LARP1: variants seen among roughly 807,000 people sequenced by gnomAD.
LARP1 encodes la-related protein 1.
In LARP1, 36 loss-of-function variants were observed where a neutral mutation model predicts 122.7. That is an observed-to-expected ratio of 0.29 (90% CI 0.22 to 0.39). LARP1 has a LOEUF of 0.39. Among genes scored for constraint, LARP1 ranks in the 10% least tolerant of loss-of-function variants. The pLI, the probability that LARP1 is intolerant of heterozygous loss-of-function variation, is 1.00. For missense variants in LARP1, 1,040 were observed against 1,403.6 expected (o/e 0.74, Z 4.14); for synonymous variants, 539 against 528.7 (o/e 1.02, Z -0.27).
In LARP1 at chr5:154,815,913, A is replaced by T. The variant is rs914612877; in HGVS notation, c.*1817A>T. 2.0e-5 allele frequency: 3 copies of T among 152,302 alleles called. No homozygotes were observed. The highest frequency in any genetic ancestry group is 7.2e-5 in the African/African-American group (3 of 41,456). 9.4% of individuals were successfully genotyped at this position (152,302 alleles called of 1,614,324 possible). A position where few individuals can be genotyped will look rare whatever the true frequency, so the allele number is the denominator to read the frequency against. Reference sequence around the variant, plus strand: ...CGTTCACTCTCAGTGGGATCTGGGCAACATGGAGTTCATTGTCCTGTTGCT... The same window carrying T: ...CGTTCACTCTCAGTGGGATCTGGGCTACATGGAGTTCATTGTCCTGTTGCT... On this transcript the variant is annotated 3_prime_UTR_variant, in exon 19 of 19. Coordinates refer to ENST00000518297, the MANE Select transcript of LARP1 (RefSeq NM_033551.3).
chr5:154,792,866 G>A (rs2113779120), intron 4 of LARP1, 70 bp downstream of exon 4: 2 of 1,506,524 alleles, frequency 1.3e-6, no homozygotes, highest in Middle Eastern at 2.3e-4. Flanking sequence ...GACTCCAGGG[G>A]ACTGCTGGAG....
At chr5:154,741,703 A>G (rs1232633480) in intron 1 of LARP1, among the ~76,000 whole-genome samples, 1 of 152,132 alleles carries the variant, frequency 6.6e-6, no homozygotes, top group Admixed American at 6.5e-5. Flanking sequence ...AACGGGGGGA[A>G]AATCTGGAGG....
chr5:154,790,075 T>G (rs1757220255), intron 1 of LARP1, among the ~76,000 whole-genome samples: 1 of 152,194 alleles, frequency 6.6e-6, no homozygotes, highest in African/African-American at 2.4e-5. Flanking sequence ...CTGGACTTCT[T>G]GGGTTTTGGC....
chr5:154,689,451 AAAAAAAT>A (rs1193357126), intron 1 of LARP1, among the ~76,000 whole-genome samples: 272 of 151,882 alleles, frequency 1.8e-3, no homozygotes, highest in Non-Finnish European at 2.5e-3. Context: ...ACTCTGTCTC[AAAAAAAT>A]AAAAAATAAA....
At chr5:154,764,898 C>A (rs1754796034) in intron 1 of LARP1, among the ~76,000 whole-genome samples, 1 of 144,408 alleles carries the variant, frequency 6.9e-6, no homozygotes, top group Admixed American at 6.9e-5. Flanking sequence ...GAGCAAGACT[C>A]CATCACAAAA....
intron 1 of LARP1, among the ~76,000 whole-genome samples, chr5:154,745,065 T>C (rs1753118361): frequency 6.6e-6 from 1 of 151,984 alleles, no homozygotes; most frequent in Non-Finnish European, 1.5e-5. Flanking sequence ...TAGCTGGGAC[T>C]ACAGGTGGCA....
In LARP1 at chr5:154,813,921, A is replaced by C. The variant is rs201041004; in HGVS notation, c.3116A>C (p.His1039Pro). The C allele has an allele frequency of 1.2e-6, 2 of 1,613,884 alleles. No individual in the cohort carries two copies. Among genetic ancestry groups the C allele is most frequent in the Non-Finnish European group, 1.7e-6 (2 of 1,179,974 alleles). ...PMGEEGNHKR[H>P]SVVAGGGGGE... is the part of the protein sequence containing the mutation. ...GGTGAGGAGGGCAACCACAAGCGAC[A>C]CTCAGTGGTAGCAGGAGGTGGCGGC... Residue 1039 changes from histidine (H) to proline (P), a missense_variant, in exon 19 of 19, where the codon CAC (histidine) becomes CCC (proline). Transcript: ENST00000518297.
chr5:154,711,706 A>G (rs1053249982), upstream of LARP1, among the ~76,000 whole-genome samples: 1 of 152,214 alleles, frequency 6.6e-6, no homozygotes, highest in Non-Finnish European at 1.5e-5. Flanking sequence ...ATAAATAAGG[A>G]ATAGATAAAA....
chr5:154,783,769 A>G (rs189173456), intron 1 of LARP1, among the ~76,000 whole-genome samples: 47 of 152,266 alleles, frequency 3.1e-4, no homozygotes, highest in Admixed American at 1.4e-3. Context: ...TGCTCACTAC[A>G]TATTATTTAC....
chr5:154,717,720 G>A (rs1755595735), intron 1 of LARP1, among the ~76,000 whole-genome samples: 1 of 152,046 alleles, frequency 6.6e-6, no homozygotes, highest in Non-Finnish European at 1.5e-5. Flanking sequence ...TGACTTCCAC[G>A]TGCCTCCACT....
At chr5:154,811,708 T>A in intron 18 of LARP1, 68 bp downstream of exon 18, 1 of 1,590,740 alleles carries the variant, frequency 6.3e-7, no homozygotes, top group Non-Finnish European at 8.6e-7. Context: ...TCAGGATACT[T>A]GGATTCTGGT....
At chr5:154,774,400 CT>C (rs1306789250) in intron 1 of LARP1, among the ~76,000 whole-genome samples, 1 of 152,206 alleles carries the variant, frequency 6.6e-6, no homozygotes, top group Non-Finnish European at 1.5e-5. Context: ...GGAGGGTCTG[CT>C]CCAGGGAGTG....
intron 1 of LARP1, among the ~76,000 whole-genome samples, chr5:154,761,142 A>G (rs144464417): frequency 9.2e-5 from 14 of 152,326 alleles, no homozygotes; most frequent in Non-Finnish European, 1.8e-4. Flanking sequence ...CAATTAGGAC[A>G]CCCTTTGAAG....
chr5:154,725,883 C>T (rs555806191), intron 1 of LARP1, among the ~76,000 whole-genome samples: 1 of 152,210 alleles, frequency 6.6e-6, no homozygotes, highest in African/African-American at 2.4e-5. Context: ...CTCTGTCACC[C>T]AGGCTGGAGT....
chr5:154,761,241 C>T (rs1453897130), intron 1 of LARP1, among the ~76,000 whole-genome samples: 5 of 152,178 alleles, frequency 3.3e-5, no homozygotes, highest in African/African-American at 4.8e-5. Context: ...CATACTAACC[C>T]GGAAGTGAGT....
At chr5:154,742,805 C>T (rs1257095685) in intron 1 of LARP1, among the ~76,000 whole-genome samples, 1 of 151,610 alleles carries the variant, frequency 6.6e-6, no homozygotes, top group Admixed American at 6.6e-5. Flanking sequence ...GAATATTAGG[C>T]TTTTTCAGAA....
chr5:154,810,533 G>A (rs974239158), intron 16 of LARP1, among the ~76,000 whole-genome samples: 3 of 151,762 alleles, frequency 2.0e-5, no homozygotes, highest in African/African-American at 7.3e-5. Context: ...TGTCACCTAG[G>A]CTGGAGTGCA....
At chr5:154,782,279 C>T (rs1756513592) in intron 1 of LARP1, among the ~76,000 whole-genome samples, 2 of 152,198 alleles carry the variant, frequency 1.3e-5, no homozygotes, top group South Asian at 2.1e-4. Context: ...ACCAAATGTG[C>T]TCTTTAGAAA....
chr5:154,792,252 T>G (rs1582425661), intron 3 of LARP1, among the ~76,000 whole-genome samples: 1 of 152,344 alleles, frequency 6.6e-6, no homozygotes, highest in South Asian at 2.1e-4. Context: ...CCGCTTTTAC[T>G]TCACAGACAG....
Sources: allele counts gnomAD v4.1 joint callset (sites outside exome capture counted in the v4.1 genomes callset), GRCh38; gene constraint gnomAD v4.1.1; transcripts MANE v1.5; gene names NCBI Gene and HGNC (gene_info 2026-07-23, HGNC 2026-07-21).